Variants in ZC3H12B observed in about 807,000 individuals in gnomAD.
ZC3H12B encodes the protein zinc finger CCCH-type containing 12B.
ZC3H12B carries 7 observed loss-of-function variants against 43.9 expected under a neutral mutation model. That is an observed-to-expected ratio of 0.16 (90% CI 0.09 to 0.30). The LOEUF is 0.30. ZC3H12B is among the 10% of genes least tolerant of loss of function. The pLI is 1.00. For synonymous variants in ZC3H12B, 222 were observed against 241.7 expected (o/e 0.92, Z 0.76); for missense variants, 475 against 670.2 (o/e 0.71, Z 3.22).
the ZC3H12B span, among the ~76,000 whole-genome samples, chrX:65,298,917 C>G: frequency 2.7e-5 from 3 of 111,435 alleles, no homozygotes; most frequent in African/African-American, 9.8e-5. Flanking sequence ...GGAATAGCCC[C>G]TTATAAAGCC....
At chrX:65,085,109 G>A in the ZC3H12B span, among the ~76,000 whole-genome samples, 1 of 111,582 alleles carries the variant, frequency 9.0e-6, no homozygotes, top group Non-Finnish European at 1.9e-5. Context: ...AAGCTGAGAG[G>A]GGTAGTGAGG....
At chrX:65,482,698 T>C (rs2068078431) in intron 3 of ZC3H12B, among the ~76,000 whole-genome samples, 1 of 112,005 alleles carries the variant, frequency 8.9e-6, no homozygotes, top group Non-Finnish European at 1.9e-5. Flanking sequence ...AACAATGTGG[T>C]TTTAATTAGT....
rs192818639 is a variant in ZC3H12B, at chrX:65,392,190, G to A, written n.296-6403G>A. 3.4e-3 allele frequency among the ~76,000 whole-genome samples: 381 copies of A among 111,043 alleles called. 3 individuals are homozygous for A. Among genetic ancestry groups the A allele is most frequent in the Admixed American group, 2.2e-3 (23 of 10,506 alleles). On this transcript the variant is annotated intron_variant and non_coding_transcript_variant, in intron 2 of 5. Transcript: ENST00000617377. ...TCAGCCTCTGCCTGGCCGCCACCCC[G>A]TCTAGGAAGTGAGGAGCGTCTCTGC...
At chrX:65,254,883 G>T in the ZC3H12B span, among the ~76,000 whole-genome samples, 6 of 111,463 alleles carry the variant, frequency 5.4e-5, no homozygotes, top group South Asian at 3.7e-4. Context: ...ACCTGATAGA[G>T]CAGAAAAAAA....
the ZC3H12B span, among the ~76,000 whole-genome samples, chrX:65,152,445 G>C: frequency 9.0e-6 from 1 of 111,332 alleles, no homozygotes; most frequent in Admixed American, 9.6e-5. Flanking sequence ...ATAACAGACA[G>C]AGAGCCAAAT....
the ZC3H12B span, among the ~76,000 whole-genome samples, chrX:65,154,054 G>A: frequency 1.8e-5 from 2 of 110,539 alleles, no homozygotes; most frequent in African/African-American, 6.6e-5. Context: ...CACAGGAAGG[G>A]GAATATCACA....
chrX:65,361,289 TATC>T, the ZC3H12B span, among the ~76,000 whole-genome samples: 5 of 112,087 alleles, frequency 4.5e-5, no homozygotes, highest in African/African-American at 1.6e-4. Context: ...GTGACAAGAA[TATC>T]ATCATGACTG....
chrX:65,046,798 T>G, the ZC3H12B span, among the ~76,000 whole-genome samples: 1 of 111,520 alleles, frequency 9.0e-6, no homozygotes, highest in Admixed American at 9.6e-5. Context: ...AAGTGAGGGA[T>G]GTGCTACTCT....
At chrX:65,477,619 G>A (rs1011935580) in intron 3 of ZC3H12B, among the ~76,000 whole-genome samples, 68 of 110,307 alleles carry the variant, frequency 6.2e-4, no homozygotes, top group African/African-American at 1.6e-3. Flanking sequence ...AAAATTAGCC[G>A]GGTATGGTGG....
chrX:65,311,585 G>C, the ZC3H12B span, among the ~76,000 whole-genome samples: 3 of 111,932 alleles, frequency 2.7e-5, no homozygotes, highest in Non-Finnish European at 5.6e-5. Flanking sequence ...AGACAATGTG[G>C]TGATTCCTCA....
At chrX:65,393,834 G>A (rs1000291932) in intron 2 of ZC3H12B, among the ~76,000 whole-genome samples, 4 of 111,819 alleles carry the variant, frequency 3.6e-5, no homozygotes, top group Admixed American at 9.5e-5. Context: ...AAAGCATTCC[G>A]ATTTCTCTGC....
At chrX:65,276,516 C>T in the ZC3H12B span, among the ~76,000 whole-genome samples, 2 of 111,237 alleles carry the variant, frequency 1.8e-5, no homozygotes, top group Non-Finnish European at 3.8e-5. Context: ...AGAAACTTTA[C>T]AGGCCAGGAT....
upstream of ZC3H12B, among the ~76,000 whole-genome samples, chrX:65,365,971 A>G (rs1458698934): frequency 9.0e-6 from 1 of 110,628 alleles, no homozygotes; most frequent in Non-Finnish European, 1.9e-5. Context: ...TAGTTGAAAA[A>G]CAAAAAACAT....
chrX:65,348,158 C>T, the ZC3H12B span, among the ~76,000 whole-genome samples: 9,211 of 111,272 alleles, frequency 0.083, 1,030 homozygotes, highest in African/African-American at 0.29. Context: ...TGCAGCACAC[C>T]AACATGGCAC....
chrX:65,162,875 GT>G, the ZC3H12B span, among the ~76,000 whole-genome samples: 1 of 112,011 alleles, frequency 8.9e-6, no homozygotes, highest in Non-Finnish European at 1.9e-5. Context: ...TTTCTGCTCT[GT>G]TTTTTCCCCA....
chrX:65,313,935 G>T, the ZC3H12B span, among the ~76,000 whole-genome samples: 1 of 111,731 alleles, frequency 9.0e-6, no homozygotes, highest in East Asian at 2.8e-4. Flanking sequence ...CTCTTGAAAT[G>T]AATTGAAACA....
chrX:65,410,614 T>C (rs2066893224), intron 3 of ZC3H12B, among the ~76,000 whole-genome samples: 2 of 109,366 alleles, frequency 1.8e-5, no homozygotes, highest in African/African-American at 7.0e-5. Flanking sequence ...CAAAGAACTC[T>C]ATAGGAAAAC....
intron 3 of ZC3H12B, among the ~76,000 whole-genome samples, chrX:65,444,911 T>G (rs1434534409): frequency 8.9e-6 from 1 of 111,945 alleles, no homozygotes; most frequent in Non-Finnish European, 1.9e-5. Context: ...TTATTTTATC[T>G]CCCCTGACTG....
chrX:65,499,895 A>T, exon 4 of ZC3H12B: 1 of 1,210,336 alleles, frequency 8.3e-7, no homozygotes, highest in African/African-American at 1.7e-5. Context: ...TTATGCCTCC[A>T]GATGATCCAT....
Sources: allele counts gnomAD v4.1 joint callset (sites outside exome capture counted in the v4.1 genomes callset), GRCh38; gene constraint gnomAD v4.1.1; transcripts MANE v1.5; gene names NCBI Gene and HGNC (gene_info 2026-07-23, HGNC 2026-07-21).